CMTM8: variants seen among roughly 807,000 people sequenced by gnomAD.
CMTM8 encodes the protein CKLF like MARVEL transmembrane domain containing 8, also known as CKLF-like MARVEL transmembrane domain-containing protein 8.
Under a neutral mutation model 18.6 loss-of-function variants are expected in CMTM8, and 12 were observed. The observed-to-expected ratio is 0.65, with a 90% CI of 0.41 to 1.05. The LOEUF (loss-of-function observed/expected upper bound fraction) is 1.05. CMTM8 is among the 50% of genes least tolerant of loss of function. CMTM8 has a pLI of 0.00. For missense variants in CMTM8, 217 were observed against 227.2 expected, an observed-to-expected ratio of 0.95 and a Z score of 0.29; for synonymous variants, 87 against 90.6, an observed-to-expected ratio of 0.96 and a Z score of 0.23.
At chr3:32,264,725 C>T (rs1702309967) in intron 1 of CMTM8, among the ~76,000 whole-genome samples, 2 of 152,086 alleles carry the variant, frequency 1.3e-5, no homozygotes, top group Non-Finnish European at 2.9e-5. Flanking sequence ...TGCAGTGACA[C>T]ACATAGGCTC....
At position 32,337,565 on chromosome 3, in the gene CMTM8, G is replaced by A. The variant is rs575989363; in HGVS notation, c.148-19808G>A. The stretch of plus-strand genomic sequence containing the variant: ...TGAGTCCTGAGAAGATCTTGGATTG[G>A]GTCATCAGCATCCAGTATTCCTTTT... On this transcript the variant is annotated intron_variant, in intron 1 of 3. Coordinates refer to ENST00000307526, the MANE Select transcript of CMTM8 (RefSeq NM_178868.5). Among the ~76,000 whole-genome samples the A allele has an allele frequency of 5.9e-4, 90 of 152,296 alleles. No individual in the cohort carries two copies. The South Asian group carries it at 0.018, about 31-fold the overall frequency.
chr3:32,278,712 A>G (rs1271443996), intron 1 of CMTM8, among the ~76,000 whole-genome samples: 2 of 152,114 alleles, frequency 1.3e-5, no homozygotes, highest in African/African-American at 2.4e-5. Context: ...TAAGCTGCCA[A>G]TTTTACATAA....
intron 1 of CMTM8, among the ~76,000 whole-genome samples, chr3:32,336,267 T>C (rs1480700624): frequency 6.6e-6 from 1 of 152,198 alleles, no homozygotes; most frequent in African/African-American, 2.4e-5. Context: ...GGTGGAGCTA[T>C]CCCAAGTAAA....
chr3:32,301,942 G>A (rs144670100), intron 1 of CMTM8, among the ~76,000 whole-genome samples: 1 of 151,456 alleles, frequency 6.6e-6, no homozygotes, highest in Admixed American at 6.6e-5. Context: ...ATTCTTTCTG[G>A]TGCTAAAATT....
intron 1 of CMTM8, among the ~76,000 whole-genome samples, chr3:32,324,791 A>G (rs1696122362): frequency 6.6e-6 from 1 of 152,252 alleles, no homozygotes. Context: ...ATTTTTACAC[A>G]TATGTGGGAG....
intron 1 of CMTM8, among the ~76,000 whole-genome samples, chr3:32,350,631 C>G (rs997706897): frequency 6.6e-6 from 1 of 151,912 alleles, no homozygotes; most frequent in Non-Finnish European, 1.5e-5. Context: ...AGTGATTCTT[C>G]TGCCTCAGCC....
chr3:32,279,267 C>T (rs1283550501), intron 1 of CMTM8, among the ~76,000 whole-genome samples: 8 of 144,984 alleles, frequency 5.5e-5, no homozygotes, highest in Non-Finnish European at 1.2e-4. Flanking sequence ...CATGCTGGTG[C>T]GCTGCACCCA....
intron 1 of CMTM8, among the ~76,000 whole-genome samples, chr3:32,346,825 T>C (rs1251895459): frequency 2.0e-5 from 3 of 151,250 alleles, no homozygotes; most frequent in Non-Finnish European, 4.4e-5. Context: ...TTTTTTTTTT[T>C]TTTTTCTTTT....
rs143822710 is a variant in CMTM8 at position 32,343,792 on chromosome 3, C to T, written c.148-13581C>T. 2.1e-3 allele frequency among the ~76,000 whole-genome samples: 327 copies of T among 152,250 alleles called. 4 individuals are homozygous for T. Among genetic ancestry groups the T allele is most frequent in the Non-Finnish European group, 1.7e-3 (119 of 68,020 alleles). ...TCAAGTCACTGCAACCCCAGCTTCC[C>T]AGGTTCAAGTGATTCTCCTGCCTCA... On this transcript the variant is annotated intron_variant, in intron 1 of 3. Transcript: ENST00000307526.
chr3:32,258,885 C>T lies in CMTM8; in HGVS notation c.147+19766C>T, dbSNP rs781529351. On this transcript the variant is annotated intron_variant, in intron 1 of 3. Transcript: ENST00000307526. ...TAGAAAGTACTATCTCACTACATGT[C>T]GGCAAAGCCTGAGTTCTGTCCCCTC... The T allele has an allele frequency of 3.0e-5, 7 of 232,566 alleles. No homozygotes were observed. In the East Asian group the frequency reaches 5.2e-4, roughly 17 times the overall value. The allele number at this position is 232,566 out of a possible 1,614,324, so 14.4% of individuals were successfully genotyped here. A position where few individuals can be genotyped will look rare whatever the true frequency, so the allele number is the denominator to read the frequency against.
At chr3:32,283,756 C>T (rs1195687777) in intron 1 of CMTM8, among the ~76,000 whole-genome samples, 3 of 152,116 alleles carry the variant, frequency 2.0e-5, no homozygotes, top group Non-Finnish European at 4.4e-5. Context: ...AGGAAGGCCC[C>T]GAGGAGGAAT....
chr3:32,258,265 T>C (rs1303009703), intron 1 of CMTM8, among the ~76,000 whole-genome samples: 1 of 152,184 alleles, frequency 6.6e-6, no homozygotes, highest in Non-Finnish European at 1.5e-5. Flanking sequence ...TTCTCACTGC[T>C]CCAGACTGCT....
intron 1 of CMTM8, among the ~76,000 whole-genome samples, chr3:32,269,707 G>A (rs1402065447): frequency 1.3e-5 from 2 of 152,110 alleles, no homozygotes; most frequent in Non-Finnish European, 1.5e-5. Flanking sequence ...CATGCCCCTA[G>A]AACTAAGATT....
chr3:32,360,557 A>G (rs996913200), intron 2 of CMTM8, among the ~76,000 whole-genome samples: 1 of 152,254 alleles, frequency 6.6e-6, no homozygotes, highest in Non-Finnish European at 1.5e-5. Flanking sequence ...CTAAACTTCC[A>G]TATTTTCCAC....
intron 1 of CMTM8, among the ~76,000 whole-genome samples, chr3:32,299,670 T>C (rs941847422): frequency 2.0e-5 from 3 of 152,178 alleles, no homozygotes; most frequent in Non-Finnish European, 4.4e-5. Flanking sequence ...ATAATTAAAT[T>C]ATCATTGACG....
At chr3:32,342,259 A>G (rs937331621) in intron 1 of CMTM8, among the ~76,000 whole-genome samples, 4 of 152,188 alleles carry the variant, frequency 2.6e-5, no homozygotes, top group African/African-American at 9.7e-5. Flanking sequence ...AAAAAACCCA[A>G]AAAACAAAAA....
chr3:32,330,604 T>A (rs1696256391), intron 1 of CMTM8, among the ~76,000 whole-genome samples: 1 of 152,134 alleles, frequency 6.6e-6, no homozygotes, highest in African/African-American at 2.4e-5. Context: ...CCCAGTAATA[T>A]ACGCTCATAT....
chr3:32,292,337 G>A (rs1702794826), intron 1 of CMTM8, among the ~76,000 whole-genome samples: 1 of 152,174 alleles, frequency 6.6e-6, no homozygotes. Flanking sequence ...AGATAAGACA[G>A]GGGCCAAGAG....
intron 1 of CMTM8, among the ~76,000 whole-genome samples, chr3:32,307,799 C>T (rs1040577412): frequency 6.6e-6 from 1 of 152,128 alleles, no homozygotes; most frequent in Non-Finnish European, 1.5e-5. Flanking sequence ...TGGAGTGGAG[C>T]CATAGAATTT....
Sources: gnomAD v4.1 joint callset for allele counts (sites outside exome capture counted in the v4.1 genomes callset) on GRCh38, gnomAD v4.1.1 for gene constraint, MANE v1.5 for transcripts, NCBI Gene and HGNC (gene_info 2026-07-23, HGNC 2026-07-21) for gene names.